The following BLTP1 variants were observed in gnomAD, a reference collection of about 807,000 sequenced individuals.
BLTP1 encodes the protein fragile site-associated protein.
At chr4:122,330,978 T>G in the BLTP1 span, 242 of 974,602 alleles carry the variant, frequency 2.5e-4, no homozygotes, top group Middle Eastern at 0.012. Context: ...TTTTCTTTCC[T>G]TGTTGTTCTG....
At chr4:122,344,254 T>C in the BLTP1 span, 2 of 1,100,268 alleles carry the variant, frequency 1.8e-6, no homozygotes, top group Non-Finnish European at 2.5e-6. Flanking sequence ...TCTGCTTAAA[T>C]TTTTACCTCA....
the BLTP1 span, among the ~76,000 whole-genome samples, chr4:122,238,668 C>T: frequency 6.6e-6 from 1 of 152,172 alleles, no homozygotes; most frequent in Non-Finnish European, 1.5e-5. Flanking sequence ...TTTGTTCCTC[C>T]TCTTGCCACC....
chr4:122,212,109 G>C, the BLTP1 span: 22 of 980,668 alleles, frequency 2.2e-5, no homozygotes, highest in Non-Finnish European at 2.3e-5. Context: ...GGACAGGGAA[G>C]CACAATCAAG....
chr4:122,270,487 G>T, the BLTP1 span: 1 of 364,420 alleles, frequency 2.7e-6, no homozygotes, highest in African/African-American at 2.2e-5. Flanking sequence ...AGGAGGATTT[G>T]CCAAAATAAT....
chr4:122,226,395 A>G, the BLTP1 span: 2 of 1,068,686 alleles, frequency 1.9e-6, no homozygotes, highest in South Asian at 3.2e-5. Flanking sequence ...AGTTAGCTAT[A>G]TAAGAGGGAA....
chr4:122,162,650 A>G, the BLTP1 span: 1 of 985,232 alleles, frequency 1.0e-6, no homozygotes, highest in South Asian at 4.7e-5. Flanking sequence ...TCCTTCTGCT[A>G]GCTGTTATTA....
At chr4:122,212,084 A>G in the BLTP1 span, 98 of 984,258 alleles carry the variant, frequency 1.0e-4, 1 homozygote, top group South Asian at 4.0e-3. Flanking sequence ...GAGAGGGACT[A>G]GGATGTTTAG....
the BLTP1 span, chr4:122,344,012 C>T: frequency 1.0e-5 from 10 of 969,060 alleles, no homozygotes; most frequent in East Asian, 1.1e-4. Flanking sequence ...TCAGCCATTT[C>T]GTGAAATTAA....
the BLTP1 span, among the ~76,000 whole-genome samples, chr4:122,206,603 A>G: frequency 6.6e-6 from 1 of 152,042 alleles, no homozygotes; most frequent in South Asian, 2.1e-4. Flanking sequence ...AAAAATTTGG[A>G]AAGAGTATAA....
chr4:122,232,130 G>A, the BLTP1 span: 1 of 985,206 alleles, frequency 1.0e-6, no homozygotes, highest in African/African-American at 1.7e-5. Flanking sequence ...TGGTTTCAGT[G>A]CTGTAGCTTG....
chr4:122,317,332 CAA>C, the BLTP1 span, among the ~76,000 whole-genome samples: 3 of 131,792 alleles, frequency 2.3e-5, no homozygotes, highest in African/African-American at 2.8e-5. Context: ...ACTCCATCTC[CAA>C]AAAAAAAAAA....
chr4:122,297,460 C>A, the BLTP1 span, among the ~76,000 whole-genome samples: 1 of 151,980 alleles, frequency 6.6e-6, no homozygotes, highest in Non-Finnish European at 1.5e-5. Context: ...TTGGTGGGAG[C>A]GTAAATTAGT....
chr4:122,302,666 G>A, the BLTP1 span, among the ~76,000 whole-genome samples: 6 of 152,114 alleles, frequency 3.9e-5, no homozygotes, highest in Non-Finnish European at 5.9e-5. Flanking sequence ...GGTCTCTTGC[G>A]CCAGTTAGCC....
chr4:122,216,976 T>G, the BLTP1 span, among the ~76,000 whole-genome samples: 9,753 of 152,244 alleles, frequency 0.064, 877 homozygotes, highest in African/African-American at 0.2. Flanking sequence ...ATTCTTCTAC[T>G]TGTGGCTTGC....
At chr4:122,342,345 T>C in the BLTP1 span, among the ~76,000 whole-genome samples, 1 of 150,940 alleles carries the variant, frequency 6.6e-6, no homozygotes, top group Admixed American at 6.6e-5. Flanking sequence ...TCTTTTTATT[T>C]ATTTATTTAT....
chr4:122,266,961 G>T, the BLTP1 span: 1 of 1,495,332 alleles, frequency 6.7e-7, no homozygotes, highest in Non-Finnish European at 9.0e-7. Flanking sequence ...GCAAGAAGGT[G>T]TCTTTTGCAT....
At chr4:122,292,966 A>G in the BLTP1 span, 1 of 643,022 alleles carries the variant, frequency 1.6e-6, no homozygotes, top group Non-Finnish European at 1.9e-6. Flanking sequence ...TCCAAAAAAA[A>G]AAATCTGATG....
At chr4:122,323,992 C>T in the BLTP1 span, among the ~76,000 whole-genome samples, 1 of 151,962 alleles carries the variant, frequency 6.6e-6, no homozygotes, top group South Asian at 2.1e-4. Flanking sequence ...GTCATTAACA[C>T]TCTTACTTTC....
the BLTP1 span, chr4:122,175,747 G>T: frequency 1.4e-6 from 1 of 710,796 alleles, no homozygotes; most frequent in South Asian, 1.8e-5. Context: ...AGGATTTCCT[G>T]TATTTCCTTG....
Sources: allele counts gnomAD v4.1 joint callset (sites outside exome capture counted in the v4.1 genomes callset), GRCh38; gene constraint gnomAD v4.1.1; transcripts MANE v1.5; gene names NCBI Gene and HGNC (gene_info 2026-07-23, HGNC 2026-07-21).